TTC34: variants seen among roughly 807,000 people sequenced by gnomAD.
The protein encoded by TTC34 is tetratricopeptide repeat protein 34.
A neutral mutation model predicts 40.7 loss-of-function variants in TTC34; 44 were observed. That is an observed-to-expected ratio of 1.08 (90% CI 0.85 to 1.39). The LOEUF (loss-of-function observed/expected upper bound fraction) is 1.39. TTC34 is among the 40% of genes most tolerant of loss of function. TTC34 has a pLI of 0.00. For missense variants in TTC34, 884 were observed against 838.0 expected, an observed-to-expected ratio of 1.05 and a Z score of -0.68; for synonymous variants, 422 against 398.6, an observed-to-expected ratio of 1.06 and a Z score of -0.70.
chr1:2,748,551 GC>G (rs1641220267), intron 6 of TTC34, among the ~76,000 whole-genome samples: 1 of 47,934 alleles, frequency 2.1e-5, no homozygotes, highest in African/African-American at 6.9e-5. Context: ...GCCTGGAACA[GC>G]AACCACACCA....
chr1:2,799,687 C>T (rs890507724), intron 2 of TTC34, among the ~76,000 whole-genome samples: 11 of 152,132 alleles, frequency 7.2e-5, no homozygotes, highest in South Asian at 4.1e-4. Flanking sequence ...CCCTTCCCTC[C>T]GACAGTCGCC....
exon 5 of TTC34, chr1:2,785,870 C>T: frequency 2.6e-6 from 4 of 1,542,794 alleles, no homozygotes; most frequent in Non-Finnish European, 3.5e-6. Context: ...TTGGTGTGAA[C>T]CCTGCCGTCG....
intron 6 of TTC34, among the ~76,000 whole-genome samples, chr1:2,750,255 C>G: frequency 6.8e-6 from 1 of 146,854 alleles, no homozygotes; most frequent in Admixed American, 6.8e-5. Context: ...CACAGGTGGG[C>G]ATCTGACAGC....
chr1:2,756,083 C>G lies in TTC34; in HGVS notation c.2226+27526G>C, dbSNP rs1164304913. On this transcript the variant is annotated intron_variant, in intron 6 of 8. Transcript: ENST00000401095. The stretch of plus-strand genomic sequence containing the variant: ...CCCATACGCCAAGATGAGCATCTGA[C>G]AGCGTGGAACAGCACCCTGCACCCC... 5.1e-3 allele frequency among the ~76,000 whole-genome samples: 374 copies of G among 72,996 alleles called. 53 individuals carry two copies. The highest frequency in any genetic ancestry group is 5.6e-3 in the Non-Finnish European group (240 of 42,800). The allele number at this position is 72,996 out of a possible 152,430, so 47.9% of individuals were successfully genotyped here.
At chr1:2,767,614 G>A (rs1410026961) in intron 6 of TTC34, among the ~76,000 whole-genome samples, 1 of 111,774 alleles carries the variant, frequency 8.9e-6, no homozygotes, top group East Asian at 2.7e-4. Flanking sequence ...CCCCAGGCGA[G>A]CATCTGACTG....
At chr1:2,641,986 A>C (rs1638917603) in intron 8 of TTC34, 91 bp from the exon 9 acceptor site, 2 of 1,330,866 alleles carry the variant, frequency 1.5e-6, no homozygotes, top group Non-Finnish European at 2.0e-6. Flanking sequence ...CTGCACAGCC[A>C]GCTTCTGCTG....
chr1:2,753,361 G>A (rs1435043822), intron 6 of TTC34, among the ~76,000 whole-genome samples: 9 of 117,072 alleles, frequency 7.7e-5, no homozygotes, highest in East Asian at 2.9e-4. Context: ...TGACAGCCTA[G>A]AACAGCACCC....
At chr1:2,647,391 G>A (rs1639040141) in intron 6 of TTC34, among the ~76,000 whole-genome samples, 1 of 152,164 alleles carries the variant, frequency 6.6e-6, no homozygotes, top group Admixed American at 6.5e-5. Context: ...TTGGGAGGCT[G>A]AGGTGGGCAG....
At position 2,645,396 on chromosome 1, in the gene TTC34, G is replaced by A; in HGVS notation, c.2394C>T (p.Asp798=). 6.5e-7 allele frequency: 1 copy of A among 1,535,794 alleles called. No homozygotes were observed. Among genetic ancestry groups the A allele is most frequent in the Non-Finnish European group, 8.7e-7 (1 of 1,146,724 alleles). The change falls in exon 7 of 9, where the codon GAC becomes GAT. Residue 798 remains aspartate (D), a synonymous_variant. Transcript: ENST00000401095. The surrounding 1 kb of genome is among the most constrained non-coding windows in gnomAD (Gnocchi z 4.7). ...CAGCAAGGAGGCCCTGGGTGTCCTT[G>A]TCCTCGAGAGGGGCCCCAGTGTCTG...
intron 3 of TTC34, 29 bp from the exon 4 acceptor site, chr1:2,787,735 GC>G (rs1643610986): frequency 1.2e-5 from 18 of 1,483,400 alleles, no homozygotes; most frequent in Non-Finnish European, 1.6e-5. Flanking sequence ...AGGGGGGCAT[GC>G]CCCTTTTGAC....
chr1:2,761,883 AC>A (rs1641691558), intron 6 of TTC34, among the ~76,000 whole-genome samples: 1 of 67,258 alleles, frequency 1.5e-5, no homozygotes, highest in African/African-American at 7.0e-5. Context: ...ATAAAACAGC[AC>A]CCCTACTGGC....
chr1:2,800,233 G>A (rs1248797094), exon 2 of TTC34: 8 of 398,438 alleles, frequency 2.0e-5, no homozygotes, highest in Non-Finnish European at 8.8e-6. Flanking sequence ...CCAGCCTCCG[G>A]GTGCCCCGAG....
intron 2 of TTC34, 110 bp downstream of exon 2, chr1:2,799,934 C>G (rs571151155): frequency 2.5e-6 from 1 of 397,966 alleles, no homozygotes; most frequent in East Asian, 3.6e-5. Context: ...ACTGAGGCAC[C>G]CCAGCCCCAG....
chr1:2,657,405 G>A (rs1402319280), intron 6 of TTC34, among the ~76,000 whole-genome samples: 93 of 91,626 alleles, frequency 1.0e-3, no homozygotes, highest in African/African-American at 2.7e-3. Flanking sequence ...CTGACCTCCC[G>A]GAGCAGTACC....
intron 6 of TTC34, among the ~76,000 whole-genome samples, chr1:2,767,842 C>CT (rs1641823929): frequency 6.7e-6 from 1 of 149,546 alleles, no homozygotes; most frequent in African/African-American, 2.5e-5. Context: ...GAGCAGCACC[C>CT]ACACCCCCAG....
At chr1:2,753,439 T>A (rs1407740715) in intron 6 of TTC34, among the ~76,000 whole-genome samples, 9 of 121,530 alleles carry the variant, frequency 7.4e-5, no homozygotes, top group Non-Finnish European at 1.3e-4. Context: ...TCTGACAGCC[T>A]GGAACAGCAG....
chr1:2,653,867 ATGGT>A (rs1570757273), intron 6 of TTC34, among the ~76,000 whole-genome samples: 2,022 of 130,614 alleles, frequency 0.015, no homozygotes, highest in East Asian at 0.023. Context: ...TGAGCATCTG[ATGGT>A]CTGGAGCAGC....
intron 3 of TTC34, 80 bp from the exon 4 acceptor site, chr1:2,787,786 T>A: frequency 8.1e-7 from 1 of 1,232,652 alleles, no homozygotes; most frequent in South Asian, 1.6e-5. Context: ...AGTGGGGAAA[T>A]CCCGTCTCCA....
chr1:2,784,109 C>T (rs770545760), intron 5 of TTC34, among the ~76,000 whole-genome samples: 3 of 151,978 alleles, frequency 2.0e-5, no homozygotes, highest in Non-Finnish European at 2.9e-5. Context: ...AACGGCTGAG[C>T]GCACTGATAT....
Sources: allele counts gnomAD v4.1 joint callset (sites outside exome capture counted in the v4.1 genomes callset), GRCh38; gene constraint gnomAD v4.1.1; non-coding constraint Gnocchi (gnomAD v3.1); transcripts MANE v1.5; gene names NCBI Gene and HGNC (gene_info 2026-07-23, HGNC 2026-07-21).